The following ENPEP variants were observed in gnomAD, a reference collection of about 807,000 sequenced individuals.
ENPEP encodes the protein AP-A.
A neutral mutation model predicts 114.5 loss-of-function variants in ENPEP; 103 were observed. The ratio of observed to expected loss-of-function variants is 0.90; its 90% CI spans 0.77 to 1.06. The LOEUF (loss-of-function observed/expected upper bound fraction) is 1.06. ENPEP is among the 50% of genes least tolerant of loss of function. The probability of loss-of-function intolerance (pLI) is 0.00; values close to 1 mark genes in which losing one functional copy is unlikely to be tolerated. For missense variants in ENPEP, 1,196 were observed against 1,161.3 expected (o/e 1.03, Z -0.43); for synonymous variants, 420 against 422.0 (o/e 1.00, Z 0.06).
intron 10 of ENPEP, among the ~76,000 whole-genome samples, chr4:110,525,816 C>G (rs1726175060): frequency 6.6e-6 from 1 of 152,124 alleles, no homozygotes; most frequent in Non-Finnish European, 1.5e-5. Flanking sequence ...AGTAATTATT[C>G]TCTCTTACTA....
At chr4:110,550,544 C>G (rs552757719) in intron 17 of ENPEP, among the ~76,000 whole-genome samples, 1 of 152,054 alleles carries the variant, frequency 6.6e-6, no homozygotes, top group African/African-American at 2.4e-5. Flanking sequence ...GCCGCAAATG[C>G]ATTTACACTT....
At position 110,543,027 on chromosome 4, in the gene ENPEP, G is replaced by A; in HGVS notation, c.1957G>A (p.Ala653Thr). ...LSLNHKTFSS[A>T]DRASLIDDAF... is the part of the protein sequence containing the mutation. ...TCCCTCTTCCCAGACATTTTCTTCAGCAGATCGTGCAAGTCTTATTGATGA... is the reference window on the plus strand; with the variant it reads ...TCCCTCTTCCCAGACATTTTCTTCAACAGATCGTGCAAGTCTTATTGATGA... Residue 653 changes from alanine to threonine, a missense_variant, in exon 13 of 20, where the codon GCA (alanine) becomes ACA (threonine). Coordinates refer to ENST00000265162, the MANE Select transcript of ENPEP (RefSeq NM_001977.4). The A allele has an allele frequency of 1.2e-6, 2 of 1,613,078 alleles. No individual in the cohort carries two copies. The highest frequency in any genetic ancestry group is 1.7e-6 in the Non-Finnish European group (2 of 1,179,318).
chr4:110,483,644 A>T (rs1009964800), intron 1 of ENPEP, among the ~76,000 whole-genome samples: 1 of 152,222 alleles, frequency 6.6e-6, no homozygotes, highest in Non-Finnish European at 1.5e-5. Context: ...TGCTAGGTCT[A>T]GTAAGTGACT....
intron 10 of ENPEP, 87 bp downstream of exon 10, chr4:110,520,453 T>C (rs1410839547): frequency 5.2e-6 from 7 of 1,349,666 alleles, no homozygotes; most frequent in Non-Finnish European, 7.4e-6. Flanking sequence ...GAGTACATGA[T>C]GGATGAGTGA....
chr4:110,485,019 T>C (rs1048230955), intron 1 of ENPEP, among the ~76,000 whole-genome samples: 7 of 152,094 alleles, frequency 4.6e-5, no homozygotes. Flanking sequence ...AGGAGTGACT[T>C]TTCCTTTTCC....
At chr4:110,531,362 C>A in intron 11 of ENPEP, 85 bp downstream of exon 11, 1 of 1,083,446 alleles carries the variant, frequency 9.2e-7, no homozygotes, top group Non-Finnish European at 1.2e-6. Context: ...AACAGTAAAG[C>A]TGGAACTTAT....
chr4:110,559,534 A>G (rs2110404775), intron 18 of ENPEP, 113 bp from the exon 19 acceptor site: 1 of 743,184 alleles, frequency 1.3e-6, no homozygotes. Flanking sequence ...TGTTTTGCTT[A>G]CTTTGAAAGT....
At chr4:110,557,522 C>T (rs1442388589) in intron 18 of ENPEP, among the ~76,000 whole-genome samples, 2 of 152,162 alleles carry the variant, frequency 1.3e-5, no homozygotes, top group Non-Finnish European at 2.9e-5. Flanking sequence ...GGAGCATGAG[C>T]ACACTGACTA....
chr4:110,535,268 G>C (rs780552555), intron 11 of ENPEP, among the ~76,000 whole-genome samples: 2 of 152,190 alleles, frequency 1.3e-5, no homozygotes, highest in Non-Finnish European at 2.9e-5. Context: ...TTCCAGATTT[G>C]AGGGTGTCCT....
chr4:110,502,197 C>A (rs1026594708), intron 3 of ENPEP, among the ~76,000 whole-genome samples: 1 of 152,150 alleles, frequency 6.6e-6, no homozygotes, highest in Admixed American at 6.6e-5. Context: ...TAGTTGGATG[C>A]ATAGTTTGCA....
At chr4:110,512,336 G>A (rs113205105) in intron 6 of ENPEP, among the ~76,000 whole-genome samples, 140 of 152,164 alleles carry the variant, frequency 9.2e-4, no homozygotes, top group African/African-American at 3.3e-3. Flanking sequence ...ACAGCTGGTA[G>A]CAAAATCCAA....
intron 2 of ENPEP, among the ~76,000 whole-genome samples, chr4:110,489,326 G>A (rs6833731): frequency 0.3 from 44,761 of 151,696 alleles, 6,920 homozygotes; most frequent in Non-Finnish European, 0.33. Context: ...ACCAAACACC[G>A]CATGTTCTCA....
Position 110,476,376 on chromosome 4 carries a change from A to T in ENPEP, c.-39A>T. ...TGCTGACGTTAGTTAGTTAAATTTA[A>T]CATCTTTTTATGTGTAACACTTGAC... On this transcript the variant is annotated 5_prime_UTR_variant, in exon 1 of 20. Coordinates refer to ENST00000265162, the MANE Select transcript of ENPEP (RefSeq NM_001977.4). 6.7e-7 allele frequency: 1 copy of T among 1,497,884 alleles called. No individual in the cohort carries two copies. Among genetic ancestry groups the T allele is most frequent in the Non-Finnish European group, 8.9e-7 (1 of 1,121,920 alleles). 92.8% of individuals were successfully genotyped at this position (1,497,884 alleles called of 1,614,324 possible).
Position 110,497,674 on chromosome 4 carries a change from C to T in ENPEP, c.918+6510C>T, listed in dbSNP as rs921572401. Among the ~76,000 whole-genome samples, 6 of 152,092 alleles carry T rather than the reference C, an allele frequency of 3.9e-5. No homozygotes were observed. In the East Asian group the frequency reaches 5.8e-4, roughly 15 times the overall value. On this transcript the variant is annotated intron_variant, in intron 3 of 19. Coordinates refer to ENST00000265162, the MANE Select transcript of ENPEP (RefSeq NM_001977.4). ...AGCAGGTGAGTTCCGACTCAGAGTC[C>T]GAACATGTTTTGAACCAGCATAGCT...
chr4:110,498,821 T>A (rs1284935847), intron 3 of ENPEP, among the ~76,000 whole-genome samples: 1 of 152,216 alleles, frequency 6.6e-6, no homozygotes, highest in African/African-American at 2.4e-5. Context: ...CTGTTTCAGG[T>A]CTTGTCCCTT....
intron 10 of ENPEP, among the ~76,000 whole-genome samples, chr4:110,521,994 T>A (rs907641175): frequency 6.6e-5 from 10 of 151,728 alleles, no homozygotes; most frequent in African/African-American, 2.4e-4. Context: ...TTCTCCTGCC[T>A]CAACCTCCCA....
intron 1 of ENPEP, among the ~76,000 whole-genome samples, chr4:110,486,124 A>G (rs184273753): frequency 1.3e-3 from 198 of 152,298 alleles, no homozygotes; most frequent in African/African-American, 4.6e-3. Flanking sequence ...TTAGTAGGCA[A>G]TCTACTGGAA....
At chr4:110,551,821 A>G (rs74592812) in intron 17 of ENPEP, among the ~76,000 whole-genome samples, 3,097 of 152,214 alleles carry the variant, frequency 0.02, 97 homozygotes, top group African/African-American at 0.07. Context: ...TCCCTTCCTC[A>G]TGGTCCTTCT....
Position 110,561,918 on chromosome 4 carries a change from A to G in ENPEP, c.*360A>G, listed in dbSNP as rs2110406969. The G allele has an allele frequency of 6.0e-6, 1 of 166,056 alleles. No homozygotes were observed. The highest frequency in any genetic ancestry group is 2.9e-3 in the Middle Eastern group (1 of 348). The allele number at this position is 166,056 out of a possible 1,614,324, so 10.3% of individuals were successfully genotyped here. Reference sequence around the variant, plus strand: ...TTTACATTTTCAGTACCAAAGAAACACCACTTAATCTTCTCTCTTGATTGA... The same window carrying G: ...TTTACATTTTCAGTACCAAAGAAACGCCACTTAATCTTCTCTCTTGATTGA... On this transcript the variant is annotated 3_prime_UTR_variant, in exon 20 of 20. Transcript: ENST00000265162.
Sources: gnomAD v4.1 joint callset for allele counts (sites outside exome capture counted in the v4.1 genomes callset) on GRCh38, gnomAD v4.1.1 for gene constraint, MANE v1.5 for transcripts, NCBI Gene and HGNC (gene_info 2026-07-23, HGNC 2026-07-21) for gene names.